Variants in SLC35F4 observed in about 807,000 individuals in gnomAD.
SLC35F4 encodes solute carrier family 35 member F4.
A neutral mutation model predicts 44.2 loss-of-function variants in SLC35F4; 24 were observed. The observed-to-expected ratio is 0.54, with a 90% CI of 0.39 to 0.76. The LOEUF (loss-of-function observed/expected upper bound fraction) is 0.76. Among genes scored for constraint, SLC35F4 ranks in the 30% least tolerant of loss-of-function variants. SLC35F4 has a pLI of 0.00. For synonymous variants in SLC35F4, 238 were observed against 223.6 expected (o/e 1.06, Z -0.57); for missense variants, 562 against 586.1 (o/e 0.96, Z 0.42).
At chr14:57,824,484 T>C (rs1273134650) in intron 1 of SLC35F4, among the ~76,000 whole-genome samples, 1 of 152,180 alleles carries the variant, frequency 6.6e-6, no homozygotes, top group East Asian at 1.9e-4. Context: ...AGATAGATGA[T>C]TGATAAACAG....
chr14:57,829,784 G>A (rs551062444), intron 1 of SLC35F4, among the ~76,000 whole-genome samples: 58 of 152,160 alleles, frequency 3.8e-4, no homozygotes, highest in South Asian at 8.3e-4. Context: ...AATCCCTTCA[G>A]GCATGCAGAT....
At chr14:57,872,731 C>T (rs1444220970) in intron 1 of SLC35F4, among the ~76,000 whole-genome samples, 4 of 152,274 alleles carry the variant, frequency 2.6e-5, no homozygotes, top group African/African-American at 9.6e-5. Context: ...ATGGACTTCC[C>T]TGAGAAGCTG....
At chr14:57,949,184 C>A (rs1376071688) in intron 1 of SLC35F4, among the ~76,000 whole-genome samples, 16 of 152,034 alleles carry the variant, frequency 1.1e-4, no homozygotes, top group Admixed American at 1.0e-3. Flanking sequence ...GTTTAGTAGT[C>A]ATTGTTTTAT....
At chr14:57,643,931 T>C (rs2073366922) in intron 1 of SLC35F4, among the ~76,000 whole-genome samples, 1 of 152,172 alleles carries the variant, frequency 6.6e-6, no homozygotes, top group South Asian at 2.1e-4. Context: ...TCCATGTCCC[T>C]ACAAAGGACA....
intron 1 of SLC35F4, among the ~76,000 whole-genome samples, chr14:57,677,712 C>T (rs1387126066): frequency 1.3e-5 from 2 of 151,776 alleles, no homozygotes; most frequent in Non-Finnish European, 2.9e-5. Context: ...TTCACACATA[C>T]ATATATGCAT....
At chr14:57,849,593 T>C (rs572626661) in intron 1 of SLC35F4, among the ~76,000 whole-genome samples, 2 of 152,100 alleles carry the variant, frequency 1.3e-5, no homozygotes, top group Non-Finnish European at 2.9e-5. Context: ...AAAACAAGAA[T>C]AAAATGCTAT....
intron 1 of SLC35F4, among the ~76,000 whole-genome samples, chr14:57,890,305 T>G (rs986100977): frequency 6.6e-6 from 1 of 152,142 alleles, no homozygotes; most frequent in African/African-American, 2.4e-5. Context: ...CTAGCTGAAG[T>G]GTAGGTCAAC....
chr14:57,881,795 AG>A (rs146304636), intron 1 of SLC35F4, among the ~76,000 whole-genome samples: 1 of 152,056 alleles, frequency 6.6e-6, no homozygotes. Context: ...GTTTTTTTAA[AG>A]TCTATTTAAC....
chr14:57,964,492 A>T (rs76753802), intron 1 of SLC35F4, among the ~76,000 whole-genome samples: 6,247 of 152,222 alleles, frequency 0.041, 344 homozygotes, highest in East Asian at 0.25. Flanking sequence ...AAAATATGGA[A>T]CCTACTTTTC....
chr14:57,776,207 C>A (rs1413939016), intron 1 of SLC35F4, among the ~76,000 whole-genome samples: 2 of 152,166 alleles, frequency 1.3e-5, no homozygotes, highest in African/African-American at 4.8e-5. Context: ...TGAATGGAAG[C>A]AACTTGGAAA....
At chr14:57,869,957 C>T (rs960988254), upstream of SLC35F4, among the ~76,000 whole-genome samples, 5 of 152,196 alleles carry the variant, frequency 3.3e-5, no homozygotes, top group African/African-American at 1.2e-4. Context: ...GGCTGGGTGT[C>T]TGTATGAGAA....
chr14:57,815,885 GA>G (rs1490472596), intron 1 of SLC35F4, among the ~76,000 whole-genome samples: 1 of 152,162 alleles, frequency 6.6e-6, no homozygotes, highest in African/African-American at 2.4e-5. Flanking sequence ...AAAAGATAGT[GA>G]TGAAAAGTCA....
At chr14:57,856,093 G>C (rs772752134) in intron 1 of SLC35F4, among the ~76,000 whole-genome samples, 1 of 151,838 alleles carries the variant, frequency 6.6e-6, no homozygotes, top group African/African-American at 2.4e-5. Context: ...TGTAACCTCC[G>C]CCTCCCAGGT....
At chr14:57,694,450 T>G (rs573225968) in intron 1 of SLC35F4, among the ~76,000 whole-genome samples, 14 of 152,344 alleles carry the variant, frequency 9.2e-5, no homozygotes, top group African/African-American at 3.4e-4. Context: ...CATAGAAACA[T>G]TTTCTGTAGC....
intron 1 of SLC35F4, among the ~76,000 whole-genome samples, chr14:57,840,307 C>T (rs1885368327): frequency 6.6e-6 from 1 of 152,150 alleles, no homozygotes; most frequent in African/African-American, 2.4e-5. Flanking sequence ...GCATTGTGCC[C>T]TCAGTCACAA....
intron 1 of SLC35F4, among the ~76,000 whole-genome samples, chr14:57,966,079 T>C (rs922143788): frequency 5.9e-5 from 9 of 152,102 alleles, no homozygotes; most frequent in Non-Finnish European, 8.8e-5. Context: ...ATTCTGGGAG[T>C]AGGATCCAGG....
chr14:57,916,711 G>GA (rs1889336268), intron 1 of SLC35F4, among the ~76,000 whole-genome samples: 1 of 151,868 alleles, frequency 6.6e-6, no homozygotes, highest in Non-Finnish European at 1.5e-5. Context: ...TTTGGAATTG[G>GA]GTACTAGGCT....
chr14:57,724,378 T>C (rs149635083), intron 1 of SLC35F4, among the ~76,000 whole-genome samples: 1,854 of 152,292 alleles, frequency 0.012, 40 homozygotes, highest in African/African-American at 0.041. Context: ...TACTCTCCTT[T>C]TGAGAGACAG....
At chr14:57,630,767 C>T in intron 1 of SLC35F4, 1 of 517,974 alleles carries the variant, frequency 1.9e-6, no homozygotes, top group Non-Finnish European at 3.3e-6. Context: ...ATCAGGAATA[C>T]AGTGTTGCAA....
Sources: gnomAD v4.1 joint callset for allele counts (sites outside exome capture counted in the v4.1 genomes callset) on GRCh38, gnomAD v4.1.1 for gene constraint, MANE v1.5 for transcripts, NCBI Gene and HGNC (gene_info 2026-07-23, HGNC 2026-07-21) for gene names.